The following ZNF484 variants were observed in gnomAD, a reference collection of about 807,000 sequenced individuals.
ZNF484 encodes the protein KRAB box containing C2H2 type zinc finger bA526D8.4.
In ZNF484, 11 loss-of-function variants were observed where a neutral mutation model predicts 12.9. The ratio of observed to expected loss-of-function variants is 0.85; its 90% CI spans 0.54 to 1.41. The LOEUF is 1.41. ZNF484 is among the 40% of genes most tolerant of loss of function. The pLI, the probability that ZNF484 is intolerant of heterozygous loss-of-function variation, is 0.00. For missense variants in ZNF484, 807 were observed against 1,007.7 expected, an observed-to-expected ratio of 0.80 and a Z score of 2.70; for synonymous variants, 289 against 334.1, an observed-to-expected ratio of 0.86 and a Z score of 1.47.
intron 3 of ZNF484, 114 bp from the exon 4 acceptor site, chr9:92,856,017 A>C (rs1856427420): frequency 7.1e-7 from 1 of 1,400,116 alleles, no homozygotes; most frequent in Non-Finnish European, 9.9e-7. Flanking sequence ...TACCCGAAAG[A>C]GATTATTAAG....
intron 2 of ZNF484, 128 bp downstream of exon 2, chr9:92,874,887 T>A: frequency 1.1e-6 from 1 of 918,394 alleles, no homozygotes; most frequent in Non-Finnish European, 1.6e-6. Context: ...CTCTTCTTCA[T>A]TTTATCTGAT....
At position 92,847,519 on chromosome 9, in the gene ZNF484, C is replaced by T. The variant is rs200378978; in HGVS notation, c.1268G>A (p.Arg423Gln). ...TTCATGTGTGATAAAATGTGACTTC[C>T]GGATAAAGGCCTTCCCACATTCAGT... ...VCTECGKAFI[R>Q]KSHFITHERI... Residue 423 changes from arginine to glutamine, a missense_variant, in exon 5 of 5, where the codon CGG (arginine) becomes CAG (glutamine). Transcript: ENST00000375495. 50 of 1,612,314 alleles carry T rather than the reference C, an allele frequency of 3.1e-5. No homozygotes were observed. Among genetic ancestry groups the T allele is most frequent in the Non-Finnish European group, 4.0e-5 (47 of 1,179,432 alleles).
chr9:92,849,300 A>G (rs1314745815), intron 4 of ZNF484, among the ~76,000 whole-genome samples: 1 of 152,084 alleles, frequency 6.6e-6, no homozygotes, highest in Non-Finnish European at 1.5e-5. Context: ...ACACAGAGAT[A>G]TGAGAGAGAC....
rs570050432 is a variant in ZNF484 at position 92,854,025 on chromosome 9, A to G, written c.235+1786T>C. Among the ~76,000 whole-genome samples, 7 of 152,142 alleles carry G rather than the reference A, an allele frequency of 4.6e-5. No homozygotes were observed. The South Asian group carries it at 1.5e-3, about 32-fold the overall frequency. ...AGGGGCGGGTGGGGCTGGGCTAACT[A>G]TTCCCTTATGTAGTTGGAATTTCCC... is the stretch of plus-strand genomic sequence containing the variant. On this transcript the variant is annotated intron_variant, in intron 4 of 4. Coordinates refer to ENST00000375495, the MANE Select transcript of ZNF484 (RefSeq NM_031486.4).
Position 92,847,619 on chromosome 9 carries a change from C to T in ZNF484, c.1168G>A (p.Gly390Arg), listed in dbSNP as rs757094108. The change falls in exon 5 of 5, where the codon GGA becomes AGA. Residue 390 changes from glycine (G) to arginine (R), a missense_variant. By Grantham distance (125) the Gly-to-Arg change is moderately radical. Coordinates refer to ENST00000375495, the MANE Select transcript of ZNF484 (RefSeq NM_031486.4). ...GGKHFECTEC[G>R]KAFTRKSTLS... is the part of the protein sequence containing the mutation. ...GTTGATTTCCTTGTGAAAGCTTTTCCACATTCAGTACATTCAAAGTGTTTC... is the reference window on the plus strand; with the variant it reads ...GTTGATTTCCTTGTGAAAGCTTTTCTACATTCAGTACATTCAAAGTGTTTC... 5 of 1,614,000 alleles carry T rather than the reference C, an allele frequency of 3.1e-6. No homozygotes were observed. The highest frequency in any genetic ancestry group is 3.4e-6 in the Non-Finnish European group (4 of 1,180,010).
rs540538944 is a variant in ZNF484, at chr9:92,867,775, T to C, written c.15+7240A>G. ...GATACTGCACTGAGCACATCTTCTC[T>C]GGCTGATTTTAATCCACGTCCTCTT... On this transcript the variant is annotated intron_variant, in intron 2 of 4. Transcript: ENST00000375495. Among the ~76,000 whole-genome samples the C allele has an allele frequency of 4.6e-5, 7 of 152,316 alleles. No homozygotes were observed. The South Asian group carries it at 1.0e-3, about 23-fold the overall frequency.
chr9:92,872,705 C>T (rs1203397327), intron 2 of ZNF484, among the ~76,000 whole-genome samples: 1 of 151,890 alleles, frequency 6.6e-6, no homozygotes, highest in African/African-American at 2.4e-5. Context: ...GAAAGGAATA[C>T]TGCCCTCTTG....
intron 1 of ZNF484, 146 bp downstream of exon 1, chr9:92,877,744 A>T (rs1023974254): frequency 3.3e-6 from 5 of 1,520,208 alleles, no homozygotes; most frequent in Non-Finnish European, 4.4e-6. Context: ...GTGCCCCCTC[A>T]CTCCTCCCTC....
chr9:92,874,613 G>C (rs528137094), intron 2 of ZNF484, among the ~76,000 whole-genome samples: 74 of 152,160 alleles, frequency 4.9e-4, no homozygotes, highest in African/African-American at 1.7e-3. Flanking sequence ...CGCCTGGCCT[G>C]TTAGTGCACT....
chr9:92,845,328 AAATT>A lies in ZNF484; in HGVS notation c.*896_*899del, dbSNP rs1433064260. 5 of 152,248 alleles carry A rather than the reference AAATT, an allele frequency of 3.3e-5. No individual in the cohort carries two copies. Among genetic ancestry groups the A allele is most frequent in the Admixed American group, 1.3e-4 (2 of 15,278 alleles). The allele number at this position is 152,248 out of a possible 1,614,324, so 9.4% of individuals were successfully genotyped here. A position where few individuals can be genotyped will look rare whatever the true frequency, so the allele number is the denominator to read the frequency against. On this transcript the variant is annotated 3_prime_UTR_variant, in exon 5 of 5. Transcript: ENST00000375495. This position sits in a 1 kb window ranked among gnomAD's most constrained non-coding sequence, Gnocchi z 4.0. ...TCAAATACAGAGAATTTGAAAAACAAAATTAATTAAGATTAGTTTGTAGAGATTG... is the reference window on the plus strand; with the variant it reads ...TCAAATACAGAGAATTTGAAAAACAAAATTAAGATTAGTTTGTAGAGATTG...
chr9:92,860,250 A>G (rs1311603730), intron 2 of ZNF484, among the ~76,000 whole-genome samples: 1 of 152,198 alleles, frequency 6.6e-6, no homozygotes, highest in East Asian at 1.9e-4. Context: ...GTTACCTCCC[A>G]GGAGCTGAGT....
In ZNF484 at chr9:92,845,993, C is replaced by G; in HGVS notation, c.*235G>C. On this transcript the variant is annotated 3_prime_UTR_variant, in exon 5 of 5. Transcript: ENST00000375495. The surrounding 1 kb of genome is among the most constrained non-coding windows in gnomAD (Gnocchi z 4.0). ...GGTCAATATTGAATAGTTGTGGTAC[C>G]CAGAACATGAAAAACTCAACAGCCA... The G allele has an allele frequency of 1.9e-6, 1 of 523,784 alleles. No individual in the cohort carries two copies. The allele number at this position is 523,784 out of a possible 1,614,324, so 32.4% of individuals were successfully genotyped here.
In ZNF484 at chr9:92,848,866, G is replaced by A. The variant is rs552468886; in HGVS notation, c.236-315C>T. ...AGAGGTTGCAGTGAGCTGAAATTGC[G>A]CCATTGCACTCTAGTCTGGGTGACA... On this transcript the variant is annotated intron_variant, in intron 4 of 4. Coordinates refer to ENST00000375495, the MANE Select transcript of ZNF484 (RefSeq NM_031486.4). The surrounding 1 kb of genome is among the most constrained non-coding windows in gnomAD (Gnocchi z 4.1). Among the ~76,000 whole-genome samples the A allele has an allele frequency of 2.0e-4, 30 of 151,662 alleles. No homozygotes were observed. Among genetic ancestry groups the A allele is most frequent in the African/African-American group, 2.9e-4 (12 of 41,290 alleles).
chr9:92,849,659 C>G (rs1352455444), intron 4 of ZNF484, among the ~76,000 whole-genome samples: 2 of 151,990 alleles, frequency 1.3e-5, no homozygotes, highest in African/African-American at 2.4e-5. Flanking sequence ...GGCCTAGTGG[C>G]ACATGCCTAT....
Position 92,846,001 on chromosome 9 carries a change from T to TG in ZNF484, c.*226dup. Reference sequence around the variant, plus strand: ...TTGAATAGTTGTGGTACCCAGAACATGAAAAACTCAACAGCCATGAATTTA... The same window carrying TG: ...TTGAATAGTTGTGGTACCCAGAACATGGAAAAACTCAACAGCCATGAATTTA... On this transcript the variant is annotated 3_prime_UTR_variant, in exon 5 of 5. Transcript: ENST00000375495. The TG allele has an allele frequency of 1.8e-6, 1 of 542,122 alleles. No homozygotes were observed. The allele number at this position is 542,122 out of a possible 1,614,324, so 33.6% of individuals were successfully genotyped here.
At chr9:92,865,638 G>A (rs1174107227) in intron 2 of ZNF484, among the ~76,000 whole-genome samples, 6 of 152,158 alleles carry the variant, frequency 3.9e-5, no homozygotes, top group Non-Finnish European at 8.8e-5. Context: ...CAGGTGCAGT[G>A]GCTCAGGCCT....
intron 2 of ZNF484, among the ~76,000 whole-genome samples, chr9:92,864,541 T>C (rs1202602369): frequency 6.6e-6 from 1 of 152,240 alleles, no homozygotes; most frequent in East Asian, 1.9e-4. Flanking sequence ...CCGTAATTCT[T>C]AGATTTCTGT....
Position 92,856,272 on chromosome 9 carries a change from T to A in ZNF484, c.62A>T (p.Glu21Val). 6.2e-7 allele frequency: 1 copy of A among 1,613,286 alleles called. No individual in the cohort carries two copies. The highest frequency in any genetic ancestry group is 1.1e-5 in the South Asian group (1 of 91,046). ...KDVTVDFSRD[E>V]WQQLDLAQKS... is the part of the protein sequence containing the mutation. ...CTGAGCAAGGTCTAATTGTTGCCACTCATCCCTACTGAAGTCTACAGTTAC... is the reference window on the plus strand; with the variant it reads ...CTGAGCAAGGTCTAATTGTTGCCACACATCCCTACTGAAGTCTACAGTTAC... Residue 21 changes from glutamate (E) to valine (V), a missense_variant, in exon 3 of 5, where the codon GAG (glutamate) becomes GTG (valine). Transcript: ENST00000375495.
rs545262612 is a variant in ZNF484, at chr9:92,845,137, T to G, written c.*1091A>C. 1 of 152,236 alleles carries G rather than the reference T, an allele frequency of 6.6e-6. No individual in the cohort carries two copies. The highest frequency in any genetic ancestry group is 2.1e-4 in the South Asian group (1 of 4,822). 9.4% of individuals were successfully genotyped at this position (152,236 alleles called of 1,614,324 possible). ...AGAAACATCTAATAATGATAATGTGTCAATTAACCAGGAAGATTACAACAA... is the reference window on the plus strand; with the variant it reads ...AGAAACATCTAATAATGATAATGTGGCAATTAACCAGGAAGATTACAACAA... On this transcript the variant is annotated 3_prime_UTR_variant, in exon 5 of 5. Transcript: ENST00000375495. The surrounding 1 kb of genome is among the most constrained non-coding windows in gnomAD (Gnocchi z 4.0).
Sources: gnomAD v4.1 joint callset for allele counts (sites outside exome capture counted in the v4.1 genomes callset) on GRCh38, gnomAD v4.1.1 for gene constraint, Gnocchi (gnomAD v3.1) non-coding constraint, MANE v1.5 for transcripts, NCBI Gene and HGNC (gene_info 2026-07-23, HGNC 2026-07-21) for gene names.